The following SYCP2L variants were observed in gnomAD, a reference collection of about 807,000 sequenced individuals.
SYCP2L encodes the protein synaptonemal complex protein 2-like.
SYCP2L carries 98 observed loss-of-function variants against 125.8 expected under a neutral mutation model. The ratio of observed to expected loss-of-function variants is 0.78; its 90% CI spans 0.66 to 0.92. The LOEUF is 0.92. Among genes scored for constraint, SYCP2L ranks in the 40% least tolerant of loss-of-function variants. The probability of loss-of-function intolerance (pLI) is 0.00; values close to 1 mark genes in which losing one functional copy is unlikely to be tolerated. For missense variants in SYCP2L, 842 were observed against 936.4 expected, an observed-to-expected ratio of 0.90 and a Z score of 1.32; for synonymous variants, 317 against 325.4, an observed-to-expected ratio of 0.97 and a Z score of 0.28.
intron 15 of SYCP2L, 122 bp downstream of exon 15, chr6:10,924,763 G>A (rs1267864995): frequency 2.3e-6 from 2 of 877,088 alleles, no homozygotes; most frequent in Non-Finnish European, 1.6e-6. Context: ...TCTTTCAAAT[G>A]CCATGTAAAA....
intron 2 of SYCP2L, among the ~76,000 whole-genome samples, chr6:10,892,042 A>G (rs1209640383): frequency 1.3e-5 from 2 of 152,222 alleles, no homozygotes; most frequent in Admixed American, 1.3e-4. Context: ...TCTACGTAAG[A>G]TAAGGTGGTC....
chr6:10,920,788 A>T (rs149230695), intron 14 of SYCP2L, among the ~76,000 whole-genome samples: 176 of 150,252 alleles, frequency 1.2e-3, no homozygotes, highest in African/African-American at 4.2e-3. Flanking sequence ...CAGGACAGAG[A>T]GTGCCTCATG....
intron 8 of SYCP2L, among the ~76,000 whole-genome samples, chr6:10,905,626 T>G (rs1212903121): frequency 6.6e-6 from 1 of 152,216 alleles, no homozygotes; most frequent in East Asian, 1.9e-4. Context: ...AAGCAGCTCA[T>G]AGGAAAGAAT....
At chr6:10,966,640 G>T (rs761797384) in intron 29 of SYCP2L, among the ~76,000 whole-genome samples, 2 of 152,160 alleles carry the variant, frequency 1.3e-5, no homozygotes, top group African/African-American at 4.8e-5. Context: ...GATTGAACAT[G>T]ATTGAAAAAC....
chr6:10,896,192 C>T (rs1024812736), intron 4 of SYCP2L, among the ~76,000 whole-genome samples: 1 of 152,086 alleles, frequency 6.6e-6, no homozygotes, highest in African/African-American at 2.4e-5. Flanking sequence ...AGTCCTGTAC[C>T]GTAAAATCCA....
intron 6 of SYCP2L, among the ~76,000 whole-genome samples, chr6:10,900,515 G>A (rs1472703692): frequency 6.6e-6 from 1 of 152,106 alleles, no homozygotes; most frequent in East Asian, 1.9e-4. Flanking sequence ...ACCACGCCTG[G>A]CTAATTTTTG....
intron 23 of SYCP2L, among the ~76,000 whole-genome samples, chr6:10,952,463 T>C (rs1003918835): frequency 2.0e-5 from 3 of 152,146 alleles, no homozygotes; most frequent in African/African-American, 7.2e-5. Flanking sequence ...GATTTCTCTC[T>C]TTGGTGGATG....
intron 26 of SYCP2L, among the ~76,000 whole-genome samples, chr6:10,960,434 G>A (rs190448378): frequency 6.6e-6 from 1 of 152,118 alleles, no homozygotes; most frequent in Non-Finnish European, 1.5e-5. Flanking sequence ...CCTGTGCTTG[G>A]TATGAGAGTG....
intron 4 of SYCP2L, among the ~76,000 whole-genome samples, chr6:10,894,422 C>T (rs1184555352): frequency 6.6e-6 from 1 of 152,136 alleles, no homozygotes; most frequent in East Asian, 1.9e-4. Context: ...TGCACAGGAT[C>T]GAGTCAGACA....
chr6:10,961,947 C>A (rs939039741), intron 28 of SYCP2L, among the ~76,000 whole-genome samples: 1 of 152,072 alleles, frequency 6.6e-6, no homozygotes, highest in Non-Finnish European at 1.5e-5. Context: ...TTCTATTTTA[C>A]TCATTTACAC....
At position 10,912,110 on chromosome 6, in the gene SYCP2L, G is replaced by A. The variant is rs1780620800; in HGVS notation, c.919-563G>A. On this transcript the variant is annotated intron_variant, in intron 12 of 29. Transcript: ENST00000283141. The surrounding 1 kb of genome is among the most constrained non-coding windows in gnomAD (Gnocchi z 4.1). ...ATGGTGCCTATGGAAAGGTACTTAT[G>A]AAAAACTGAGGGGCAGAGAAGATGT... Among the ~76,000 whole-genome samples the A allele has an allele frequency of 1.3e-5, 2 of 151,846 alleles. No individual in the cohort carries two copies. The highest frequency in any genetic ancestry group is 2.9e-5 in the Non-Finnish European group (2 of 67,952).
At chr6:10,916,664 CCACT>C (rs915048792) in intron 14 of SYCP2L, among the ~76,000 whole-genome samples, 1 of 152,146 alleles carries the variant, frequency 6.6e-6, no homozygotes, top group African/African-American at 2.4e-5. Flanking sequence ...CAGTTTTATT[CCACT>C]ATGGTCTGAG....
intron 23 of SYCP2L, among the ~76,000 whole-genome samples, chr6:10,945,737 T>C (rs995339988): frequency 6.9e-5 from 9 of 129,782 alleles, no homozygotes; most frequent in African/African-American, 2.7e-4. Context: ...GCCATGGCAC[T>C]CCAGCCTGGG....
intron 1 of SYCP2L, among the ~76,000 whole-genome samples, chr6:10,888,346 C>T (rs560254373): frequency 5.3e-5 from 8 of 152,008 alleles, no homozygotes; most frequent in Non-Finnish European, 1.2e-4. Context: ...CTGCCCGCTT[C>T]GGCCTCCCAA....
At chr6:10,959,721 T>A (rs1417264355) in intron 26 of SYCP2L, among the ~76,000 whole-genome samples, 2 of 149,512 alleles carry the variant, frequency 1.3e-5, no homozygotes, top group Non-Finnish European at 3.0e-5. Context: ...AATAAAAAAT[T>A]AGCCAGGCGT....
chr6:10,956,192 A>G lies in SYCP2L; in HGVS notation c.2113A>G (p.Ile705Val). Residue 705 changes from isoleucine to valine, a missense_variant, in exon 25 of 30, where the codon ATT becomes GTT. Physicochemically the swap from Ile to Val is conservative, Grantham distance 29. Coordinates refer to ENST00000283141, the MANE Select transcript of SYCP2L (RefSeq NM_001040274.3). ...VVPENLNGSA[I>V]LPTFENFTKK... ...GCCAGAGAACTTGAACGGTTCTGCC[A>G]TTCTCCCAACCTTTGAAAACTTCAC... 6.2e-7 allele frequency: 1 copy of G among 1,614,014 alleles called. No homozygotes were observed. The highest frequency in any genetic ancestry group is 8.5e-7 in the Non-Finnish European group (1 of 1,179,994).
intron 4 of SYCP2L, among the ~76,000 whole-genome samples, chr6:10,894,649 T>C (rs1404381260): frequency 6.6e-6 from 1 of 152,194 alleles, no homozygotes; most frequent in Non-Finnish European, 1.5e-5. Context: ...AAAAAACAAA[T>C]AGCAGAAACA....
At chr6:10,924,425 A>T in intron 14 of SYCP2L, 71 bp from the exon 15 acceptor site, 1 of 1,299,058 alleles carries the variant, frequency 7.7e-7, no homozygotes, top group Non-Finnish European at 1.0e-6. Context: ...GTAGTTATTT[A>T]AAATGATAAA....
chr6:10,932,480 G>A (rs574840211), intron 20 of SYCP2L, among the ~76,000 whole-genome samples: 78 of 152,262 alleles, frequency 5.1e-4, no homozygotes, highest in African/African-American at 1.8e-3. Context: ...ACAGTGCCCC[G>A]CTTGCTCATG....
Sources: gnomAD v4.1 joint callset for allele counts (sites outside exome capture counted in the v4.1 genomes callset) on GRCh38, gnomAD v4.1.1 for gene constraint, Gnocchi (gnomAD v3.1) non-coding constraint, MANE v1.5 for transcripts, NCBI Gene and HGNC (gene_info 2026-07-23, HGNC 2026-07-21) for gene names.